CDKL5: variants seen among roughly 807,000 people sequenced by gnomAD.
The protein encoded by CDKL5 is cyclin-dependent kinase-like 5.
Under a neutral mutation model 61.7 loss-of-function variants are expected in CDKL5, and 8 were observed. The ratio of observed to expected loss-of-function variants is 0.13; its 90% CI spans 0.08 to 0.23. The LOEUF is 0.23. Ranked by LOEUF, CDKL5 falls within the 10% of genes least tolerant of loss-of-function variation. The pLI is 1.00. For missense variants in CDKL5, 440 were observed against 734.5 expected (o/e 0.60, Z 4.63); for synonymous variants, 275 against 272.3 (o/e 1.01, Z -0.10).
In CDKL5 at chrX:18,629,101, A is replaced by G. The variant is rs370073129; in HGVS notation, c.*344A>G. 68 of 813,251 alleles carry G rather than the reference A, an allele frequency of 8.4e-5. No individual in the cohort carries two copies. In the East Asian group the frequency reaches 3.7e-3, roughly 44 times the overall value. The allele number at this position is 813,251 out of a possible 1,213,427, so 67.0% of individuals were successfully genotyped here. On this transcript the variant is annotated 3_prime_UTR_variant, in exon 18 of 18. Coordinates refer to ENST00000623535, the MANE Select transcript of CDKL5 (RefSeq NM_001323289.2). ...CTCTGTTGAACTTGGGAATGCCAGG[A>G]TGTGTCCTGGCACTGCAAGGGATAG...
intron 3 of CDKL5, among the ~76,000 whole-genome samples, chrX:18,540,447 G>T (rs763487539): frequency 1.8e-5 from 2 of 111,845 alleles, no homozygotes; most frequent in African/African-American, 3.3e-5. Flanking sequence ...AAAGTGCTGG[G>T]ATTACAGGAG....
chrX:18,598,569 A>G lies in CDKL5; in HGVS notation c.933A>G (p.Ala311=), dbSNP rs1348754333. ...TGGATCGTTCTCCTTCAAGGTCAGC[A>G]AAAAGAAAACCTTACCATGTGGAAA... The part of the protein sequence containing the change: ...RLLDRSPSRS[A]KRKPYHVESS... Residue 311 remains alanine, a synonymous_variant, in exon 11 of 18, where the codon GCA becomes GCG. Transcript: ENST00000623535. 7.4e-6 allele frequency: 9 copies of G among 1,209,328 alleles called. No individual in the cohort carries two copies. Among genetic ancestry groups the G allele is most frequent in the Middle Eastern group, 2.3e-4 (1 of 4,373 alleles).
intron 1 of CDKL5, among the ~76,000 whole-genome samples, chrX:18,440,461 T>C (rs2147624015): frequency 9.0e-6 from 1 of 111,378 alleles, no homozygotes; most frequent in African/African-American, 3.3e-5. Context: ...CCTGGCCATA[T>C]CATTTTTTTG....
At chrX:18,646,223 G>C (rs112868120) in intron 20 of CDKL5, 1 of 1,011,037 alleles carries the variant, frequency 9.9e-7, no homozygotes, top group Non-Finnish European at 1.3e-6. Flanking sequence ...ACACAATCTC[G>C]GCTCACTGCA....
At chrX:18,472,711 TTGTGTTCTGGGTCTA>T (rs1921139908) in intron 1 of CDKL5, among the ~76,000 whole-genome samples, 1 of 110,933 alleles carries the variant, frequency 9.0e-6, no homozygotes, top group Non-Finnish European at 1.9e-5. Context: ...GACACATCGT[TTGTGTTCTGGGTCTA>T]TACCTTCTGT....
intron 6 of CDKL5, 42 bp downstream of exon 6, chrX:18,580,010 A>G: frequency 1.9e-6 from 2 of 1,062,903 alleles, no homozygotes; most frequent in Non-Finnish European, 2.6e-6. Flanking sequence ...TAAAACATCA[A>G]ATAAAGTTAA....
chrX:18,441,887 G>C (rs1319892058), intron 1 of CDKL5, among the ~76,000 whole-genome samples: 1 of 110,867 alleles, frequency 9.0e-6, no homozygotes, highest in Non-Finnish European at 1.9e-5. Context: ...ATAGGATGTG[G>C]TCTCTGTTCT....
At chrX:18,475,159 A>G (rs1256784984) in intron 1 of CDKL5, among the ~76,000 whole-genome samples, 1 of 110,262 alleles carries the variant, frequency 9.1e-6, no homozygotes, top group East Asian at 2.9e-4. Context: ...GGGTTTCACC[A>G]TGTTGGCCAG....
intron 7 of CDKL5, among the ~76,000 whole-genome samples, chrX:18,583,373 A>G (rs1451009953): frequency 1.8e-5 from 2 of 110,910 alleles, no homozygotes; most frequent in Non-Finnish European, 3.8e-5. Context: ...GACTTGAAGA[A>G]CCCCATTCAA....
chrX:18,646,369 G>A (rs1927773113), intron 20 of CDKL5, among the ~76,000 whole-genome samples: 1 of 111,932 alleles, frequency 8.9e-6, no homozygotes, highest in African/African-American at 3.2e-5. Context: ...GGCTAAGCTG[G>A]TCTTGAACTC....
At chrX:18,432,423 G>T (rs1298303270) in intron 1 of CDKL5, among the ~76,000 whole-genome samples, 1 of 108,461 alleles carries the variant, frequency 9.2e-6, no homozygotes, top group Non-Finnish European at 1.9e-5. Context: ...TGTATTATTA[G>T]TAGAGACAGG....
chrX:18,462,300 A>C (rs1341388687), intron 1 of CDKL5, among the ~76,000 whole-genome samples: 2 of 110,673 alleles, frequency 1.8e-5, no homozygotes, highest in Non-Finnish European at 3.8e-5. Flanking sequence ...GCTTGATGGA[A>C]TCATGTAGCA....
At chrX:18,463,619 A>G (rs934707086) in intron 1 of CDKL5, among the ~76,000 whole-genome samples, 1 of 112,074 alleles carries the variant, frequency 8.9e-6, no homozygotes, top group Non-Finnish European at 1.9e-5. Context: ...GCTAATTGGT[A>G]AAGATTGCAA....
At chrX:18,452,744 A>C (rs1233651704) in intron 1 of CDKL5, among the ~76,000 whole-genome samples, 1 of 108,227 alleles carries the variant, frequency 9.2e-6, no homozygotes, top group Admixed American at 1.0e-4. Context: ...ACATGAAAGC[A>C]CTTTGAAAAT....
At chrX:18,501,166 T>G (rs920626971) in intron 1 of CDKL5, among the ~76,000 whole-genome samples, 1 of 110,526 alleles carries the variant, frequency 9.0e-6, no homozygotes, top group African/African-American at 3.3e-5. Context: ...TTCCCAGTTT[T>G]TTTGTTTGTT....
intron 3 of CDKL5, among the ~76,000 whole-genome samples, chrX:18,564,062 A>G: frequency 8.9e-6 from 1 of 111,741 alleles, no homozygotes; most frequent in Non-Finnish European, 1.9e-5. Flanking sequence ...TTCTGCTACC[A>G]GCAACTACTG....
At chrX:18,555,107 C>G (rs910787180) in intron 3 of CDKL5, among the ~76,000 whole-genome samples, 1 of 111,056 alleles carries the variant, frequency 9.0e-6, no homozygotes, top group African/African-American at 3.3e-5. Context: ...GAGTTTCTTA[C>G]CCTTAGCACT....
intron 2 of CDKL5, among the ~76,000 whole-genome samples, chrX:18,509,197 G>GCACGCGCGCGCGCACACACACACA (rs1204561636): frequency 9.3e-5 from 6 of 64,306 alleles, no homozygotes; most frequent in East Asian, 1.4e-3. Flanking sequence ...CTCAAAACAC[G>GCACGCGCGCGCGCACACACACACA]CACACACACA....
intron 3 of CDKL5, among the ~76,000 whole-genome samples, chrX:18,562,646 A>G: frequency 8.9e-6 from 1 of 112,207 alleles, no homozygotes; most frequent in African/African-American, 3.2e-5. Flanking sequence ...GTGAAATGTT[A>G]AATTCTTTCC....
Sources: gnomAD v4.1 joint callset for allele counts (sites outside exome capture counted in the v4.1 genomes callset) on GRCh38, gnomAD v4.1.1 for gene constraint, MANE v1.5 for transcripts, NCBI Gene and HGNC (gene_info 2026-07-23, HGNC 2026-07-21) for gene names.